Variants in CSGALNACT1 observed in about 807,000 individuals in gnomAD.
The protein encoded by CSGALNACT1 is beta4GalNAcT-1.
In CSGALNACT1, 52 loss-of-function variants were observed where a neutral mutation model predicts 51.0. The ratio of observed to expected loss-of-function variants is 1.02; its 90% CI spans 0.82 to 1.29. The LOEUF (loss-of-function observed/expected upper bound fraction) is 1.29, where lower values mean the gene tolerates loss of function less well. CSGALNACT1 is among the 50% of genes most tolerant of loss of function. The pLI is 0.00. For synonymous variants in CSGALNACT1, 341 were observed against 254.4 expected (o/e 1.34, Z -3.24); for missense variants, 935 against 679.2 (o/e 1.38, Z -4.19).
intron 1 of CSGALNACT1, among the ~76,000 whole-genome samples, chr8:19,611,405 ATAGC>A (rs1331105763): frequency 6.6e-6 from 1 of 152,218 alleles, no homozygotes; most frequent in East Asian, 1.9e-4. Flanking sequence ...AGTAGTAAAA[ATAGC>A]TAGCTAGCAT....
intron 2 of CSGALNACT1, among the ~76,000 whole-genome samples, chr8:19,597,421 A>C (rs1202942612): frequency 6.7e-6 from 1 of 150,328 alleles, no homozygotes; most frequent in Non-Finnish European, 1.5e-5. Context: ...TTTGCTCCCA[A>C]GTAGCTGGGA....
intron 1 of CSGALNACT1, among the ~76,000 whole-genome samples, chr8:19,706,798 T>A (rs191467254): frequency 1.1e-4 from 16 of 152,230 alleles, no homozygotes; most frequent in Admixed American, 5.2e-4. Context: ...TACATTTTTT[T>A]AAATCTTTTG....
rs760401027 is a variant in CSGALNACT1, at chr8:19,505,344, G to A, written c.491C>T (p.Thr164Ile). The change falls in exon 4 of 10, where the codon ACC (threonine) becomes ATC (isoleucine). Residue 164 changes from threonine to isoleucine, a missense_variant. Transcript: ENST00000454498. ...CACAGGCTTCTCCTCGGGGTGGCGG[G>A]TAAGGCCAGTCTCCAGCTGGTACAC... 4 of 1,614,098 alleles carry A rather than the reference G, an allele frequency of 2.5e-6. 1 individual carries two copies. The highest frequency in any genetic ancestry group is 2.5e-6 in the Non-Finnish European group (3 of 1,180,040).
intron 1 of CSGALNACT1, among the ~76,000 whole-genome samples, chr8:19,664,528 C>T (rs954277413): frequency 6.6e-6 from 1 of 152,106 alleles, no homozygotes; most frequent in Non-Finnish European, 1.5e-5. Context: ...AAGACACCTG[C>T]CCTCCTATGT....
upstream of CSGALNACT1, among the ~76,000 whole-genome samples, chr8:19,605,293 G>A (rs1192759076): frequency 2.6e-5 from 4 of 151,944 alleles, no homozygotes; most frequent in South Asian, 2.1e-4. Flanking sequence ...AAAATTAGCC[G>A]GGCATGGTGG....
intron 1 of CSGALNACT1, among the ~76,000 whole-genome samples, chr8:19,618,507 G>T (rs1306778401): frequency 1.3e-5 from 2 of 151,612 alleles, no homozygotes; most frequent in Non-Finnish European, 2.9e-5. Context: ...AGGCTCAGTG[G>T]TGGCCACCTA....
chr8:19,594,939 A>G (rs1314718519), intron 2 of CSGALNACT1, among the ~76,000 whole-genome samples: 1 of 152,158 alleles, frequency 6.6e-6, no homozygotes, highest in South Asian at 2.1e-4. Context: ...AAGGTTGGCT[A>G]TTCACACGTG....
At chr8:19,455,580 C>A (rs550322497) in intron 5 of CSGALNACT1, among the ~76,000 whole-genome samples, 1 of 152,272 alleles carries the variant, frequency 6.6e-6, no homozygotes, top group South Asian at 2.1e-4. Flanking sequence ...CCCTGAATAA[C>A]CCCTTCTTTG....
intron 3 of CSGALNACT1, among the ~76,000 whole-genome samples, chr8:19,546,271 T>G (rs566057360): frequency 5.3e-5 from 8 of 152,300 alleles, no homozygotes; most frequent in African/African-American, 1.7e-4. Context: ...TGTAAGTAAG[T>G]TGAACATGGC....
At chr8:19,542,707 C>G (rs969028977) in intron 3 of CSGALNACT1, among the ~76,000 whole-genome samples, 7 of 152,136 alleles carry the variant, frequency 4.6e-5, no homozygotes, top group South Asian at 2.1e-4. Context: ...ATTATCTAAT[C>G]ATTTTTATTA....
chr8:19,625,528 A>G (rs896013963), intron 1 of CSGALNACT1, among the ~76,000 whole-genome samples: 5 of 152,192 alleles, frequency 3.3e-5, no homozygotes, highest in African/African-American at 9.7e-5. Context: ...GCTCACTTCT[A>G]TCACAGTAAT....
intron 5 of CSGALNACT1, among the ~76,000 whole-genome samples, chr8:19,449,016 A>G (rs1426047503): frequency 6.6e-6 from 1 of 152,140 alleles, no homozygotes; most frequent in Non-Finnish European, 1.5e-5. Flanking sequence ...GTGTCGAGAT[A>G]AATTTATTAA....
chr8:19,614,071 A>C (rs1227317580), intron 1 of CSGALNACT1, among the ~76,000 whole-genome samples: 2 of 152,184 alleles, frequency 1.3e-5, no homozygotes, highest in Non-Finnish European at 2.9e-5. Context: ...TAATCTACTA[A>C]AAGAATGATG....
At chr8:19,706,244 A>G (rs1372903658) in intron 1 of CSGALNACT1, among the ~76,000 whole-genome samples, 1 of 152,142 alleles carries the variant, frequency 6.6e-6, no homozygotes, top group African/African-American at 2.4e-5. Flanking sequence ...ATTCTGCTTC[A>G]TGCTCTAAAG....
Position 19,662,153 on chromosome 8 carries a change from C to A in CSGALNACT1, c.-544+20320G>T, listed in dbSNP as rs910763131. 5.6e-5 allele frequency among the ~76,000 whole-genome samples: 8 copies of A among 143,566 alleles called. No individual in the cohort carries two copies. The East Asian group carries it at 1.8e-3, about 33-fold the overall frequency. 94.2% of individuals were successfully genotyped at this position (143,566 alleles called of 152,430 possible). ...AACTGAGGCTAGGTGCGGTGGGGCT[C>A]ACACTGGTAATCCCAGCACCTTGGG... On this transcript the variant is annotated intron_variant, in intron 1 of 9. Transcript: ENST00000332246.
At chr8:19,439,466 C>T (rs1405600191) in intron 6 of CSGALNACT1, among the ~76,000 whole-genome samples, 1 of 152,204 alleles carries the variant, frequency 6.6e-6, no homozygotes, top group Non-Finnish European at 1.5e-5. Flanking sequence ...GCTCACTGCC[C>T]AGCTGTGCTC....
intron 3 of CSGALNACT1, among the ~76,000 whole-genome samples, chr8:19,549,924 G>GTATGCGACCTACC (rs1428500782): frequency 6.6e-6 from 1 of 152,016 alleles, no homozygotes; most frequent in Non-Finnish European, 1.5e-5. Context: ...CTGAGCCTTT[G>GTATGCGACCTACC]TATGCGACCT....
chr8:19,610,105 C>T (rs1013859826), intron 1 of CSGALNACT1, among the ~76,000 whole-genome samples: 3 of 150,954 alleles, frequency 2.0e-5, no homozygotes, highest in Admixed American at 1.3e-4. Flanking sequence ...GCCTGTAACC[C>T]CAGCTAAAAC....
At chr8:19,677,821 G>A (rs1239803866) in intron 1 of CSGALNACT1, among the ~76,000 whole-genome samples, 1 of 152,144 alleles carries the variant, frequency 6.6e-6, no homozygotes, top group Non-Finnish European at 1.5e-5. Flanking sequence ...TTCAGCAGGG[G>A]CATAGGTAGG....
Sources: allele counts gnomAD v4.1 joint callset (sites outside exome capture counted in the v4.1 genomes callset), GRCh38; gene constraint gnomAD v4.1.1; transcripts MANE v1.5; gene names NCBI Gene and HGNC (gene_info 2026-07-23, HGNC 2026-07-21).